The following EYS variants were observed in gnomAD, a reference collection of about 807,000 sequenced individuals.
EYS encodes protein eyes shut homolog.
EYS carries 250 observed loss-of-function variants against 282.1 expected under a neutral mutation model. The ratio of observed to expected loss-of-function variants is 0.89; its 90% CI spans 0.80 to 0.98. The LOEUF is 0.98. EYS is among the 50% of genes least tolerant of loss of function. The pLI is 0.00. For missense variants in EYS, 4,016 were observed against 3,709.0 expected (o/e 1.08, Z -2.15); for synonymous variants, 1,355 against 1,282.9 (o/e 1.06, Z -1.20).
chr6:64,392,199 C>T (rs1435149185), intron 28 of EYS, among the ~76,000 whole-genome samples: 1 of 150,176 alleles, frequency 6.7e-6, no homozygotes, highest in Middle Eastern at 3.2e-3. Flanking sequence ...ACCCCACTGT[C>T]AACATTAGAC....
At chr6:65,094,622 A>C (rs1340624976) in intron 12 of EYS, among the ~76,000 whole-genome samples, 2 of 151,338 alleles carry the variant, frequency 1.3e-5, no homozygotes, top group South Asian at 4.1e-4. Flanking sequence ...TTGAACCTAC[A>C]ATGGTCAAAA....
At position 64,471,982 on chromosome 6, in the gene EYS, A is replaced by AC. The variant is rs200477013; in HGVS notation, c.5645-32631_5645-32630insG. On this transcript the variant is annotated intron_variant, in intron 26 of 42. Coordinates refer to ENST00000503581, the MANE Select transcript of EYS (RefSeq NM_001142800.2). ...AAAAACTGAAATGTTCCCAACACAA[A>AC]AAAAATTTGAGGTGATAGATATCTT... Among the ~76,000 whole-genome samples, 35 of 152,090 alleles carry AC rather than the reference A, an allele frequency of 2.3e-4. No homozygotes were observed. In the East Asian group the frequency reaches 6.6e-3, roughly 29 times the overall value.
At chr6:65,328,550 T>C (rs1171027656) in intron 11 of EYS, among the ~76,000 whole-genome samples, 1 of 151,136 alleles carries the variant, frequency 6.6e-6, no homozygotes, top group Admixed American at 6.6e-5. Context: ...AATATGTAAA[T>C]CTAAAGAAAT....
chr6:64,203,212 T>G (rs934620498), intron 31 of EYS, among the ~76,000 whole-genome samples: 1 of 152,160 alleles, frequency 6.6e-6, no homozygotes, highest in African/African-American at 2.4e-5. Context: ...AATCCATGAC[T>G]GGAAGCCAGT....
intron 16 of EYS, among the ~76,000 whole-genome samples, chr6:64,909,811 A>G (rs753023248): frequency 1.3e-5 from 2 of 152,252 alleles, no homozygotes; most frequent in Non-Finnish European, 2.9e-5. Context: ...TTTCAATCAC[A>G]CTAACCAAAA....
chr6:64,057,102 C>G (rs1177256208), intron 33 of EYS, among the ~76,000 whole-genome samples: 1 of 152,130 alleles, frequency 6.6e-6, no homozygotes, highest in Non-Finnish European at 1.5e-5. Context: ...TGTTAAAAGT[C>G]TTTGTTCTAT....
chr6:64,328,758 G>A (rs773478915), intron 29 of EYS, among the ~76,000 whole-genome samples: 10 of 152,184 alleles, frequency 6.6e-5, no homozygotes, highest in Non-Finnish European at 1.0e-4. Context: ...AGACTTGCTG[G>A]TGGCAGCCTT....
At chr6:65,342,022 AT>A (rs1770216115) in intron 10 of EYS, among the ~76,000 whole-genome samples, 1 of 151,196 alleles carries the variant, frequency 6.6e-6, no homozygotes, top group South Asian at 2.1e-4. Flanking sequence ...ATTCATGTGT[AT>A]GGGTAATATT....
intron 26 of EYS, among the ~76,000 whole-genome samples, chr6:64,442,268 AACAT>A (rs1369649777): frequency 6.6e-6 from 1 of 152,156 alleles, no homozygotes; most frequent in African/African-American, 2.4e-5. Flanking sequence ...GCACTTGAGG[AACAT>A]GATTTAGGAT....
rs1207527076 is a variant in EYS, at chr6:65,003,439, T to C, written c.2138-5736A>G. 1.4e-5 allele frequency among the ~76,000 whole-genome samples: 2 copies of C among 147,746 alleles called. 1 individual carries two copies. The highest frequency in any genetic ancestry group is 3.0e-5 in the Non-Finnish European group (2 of 65,948). On this transcript the variant is annotated intron_variant, in intron 13 of 42. Coordinates refer to ENST00000503581, the MANE Select transcript of EYS (RefSeq NM_001142800.2). ...AACGAAATGGTGCCCGAAACTTCAT[T>C]AGCAATTTTAATTTCACCTCAGTCC...
chr6:64,854,010 C>T (rs1396974617), intron 19 of EYS, among the ~76,000 whole-genome samples: 2 of 152,000 alleles, frequency 1.3e-5, no homozygotes, highest in Non-Finnish European at 2.9e-5. Context: ...TGCTCATCAT[C>T]ACTGGCCATC....
rs1764368799 is a variant in EYS at position 65,353,613 on chromosome 6, A to G, written c.1304T>C (p.Val435Ala). The G allele has an allele frequency of 6.2e-7, 1 of 1,611,992 alleles. No individual in the cohort carries two copies. Among genetic ancestry groups the G allele is most frequent in the Non-Finnish European group, 8.5e-7 (1 of 1,178,412 alleles). Residue 435 changes from valine (V) to alanine (A), a missense_variant, in exon 9 of 43, where the codon GTA becomes GCA. Coordinates refer to ENST00000503581, the MANE Select transcript of EYS (RefSeq NM_001142800.2). ...CFNIIGRFKY[V>A]CIPGCTKNPC... ...ATTTTTTGTGCACCCTGGAATGCATACATACTGCAAAAAGGAAACAAGGAA... is the reference window on the plus strand; with the variant it reads ...ATTTTTTGTGCACCCTGGAATGCATGCATACTGCAAAAAGGAAACAAGGAA...
chr6:64,347,408 A>T (rs952924670), intron 29 of EYS, among the ~76,000 whole-genome samples: 1 of 151,446 alleles, frequency 6.6e-6, no homozygotes, highest in Non-Finnish European at 1.5e-5. Flanking sequence ...GAATATTTAC[A>T]GATAAAATGT....
intron 12 of EYS, among the ~76,000 whole-genome samples, chr6:65,210,211 AATT>A (rs1766139244): frequency 6.6e-6 from 1 of 152,010 alleles, no homozygotes; most frequent in Non-Finnish European, 1.5e-5. Flanking sequence ...AGAATTGACA[AATT>A]ACATGCGAAT....
At position 65,318,757 on chromosome 6, in the gene EYS, T is replaced by G. The variant is rs557155193; in HGVS notation, c.1766+16223A>C. Among the ~76,000 whole-genome samples, 304 of 151,010 alleles carry G rather than the reference T, an allele frequency of 2.0e-3. 1 individual carries two copies. The highest frequency in any genetic ancestry group is 7.0e-3 in the African/African-American group (291 of 41,302). Reference sequence around the variant, plus strand: ...CCTGGGTTCAAGCGATTCTCCTTCCTTAACCACTGAAGTAGCTGGGACAAC... The same window carrying G: ...CCTGGGTTCAAGCGATTCTCCTTCCGTAACCACTGAAGTAGCTGGGACAAC... On this transcript the variant is annotated intron_variant, in intron 11 of 42. Transcript: ENST00000503581.
chr6:64,260,591 A>G (rs987797114), intron 30 of EYS, among the ~76,000 whole-genome samples: 3 of 152,056 alleles, frequency 2.0e-5, no homozygotes, highest in Non-Finnish European at 4.4e-5. Flanking sequence ...TATTTATTAT[A>G]TTTAATCTGC....
At chr6:64,435,590 G>A (rs1277138211) in intron 28 of EYS, among the ~76,000 whole-genome samples, 1 of 150,462 alleles carries the variant, frequency 6.6e-6, no homozygotes, top group African/African-American at 2.4e-5. Flanking sequence ...GGTGGAGGGA[G>A]GTAAGGCACA....
At chr6:64,686,793 G>GTA (rs757264177) in intron 22 of EYS, among the ~76,000 whole-genome samples, 4 of 23,114 alleles carry the variant, frequency 1.7e-4, no homozygotes, top group East Asian at 1.2e-3. Context: ...ATATATGTGT[G>GTA]TATATATATA....
chr6:65,678,867 A>C (rs866185678), intron 1 of EYS, among the ~76,000 whole-genome samples: 5 of 151,984 alleles, frequency 3.3e-5, no homozygotes, highest in African/African-American at 1.2e-4. Flanking sequence ...AAAGATGCTA[A>C]ATCTTTTTAA....
Sources: gnomAD v4.1 joint callset for allele counts (sites outside exome capture counted in the v4.1 genomes callset) on GRCh38, gnomAD v4.1.1 for gene constraint, MANE v1.5 for transcripts, NCBI Gene and HGNC (gene_info 2026-07-23, HGNC 2026-07-21) for gene names.